CCDC171: variants seen among roughly 807,000 people sequenced by gnomAD.
CCDC171 encodes the protein coiled-coil domain-containing protein 171.
Under a neutral mutation model 168.2 loss-of-function variants are expected in CCDC171, and 177 were observed. That is an observed-to-expected ratio of 1.05 (90% CI 0.93 to 1.19). The LOEUF (loss-of-function observed/expected upper bound fraction) is 1.19. CCDC171 is among the 50% of genes most tolerant of loss of function. CCDC171 has a pLI of 0.00. For synonymous variants in CCDC171, 687 were observed against 540.8 expected, an observed-to-expected ratio of 1.27 and a Z score of -3.75; for missense variants, 1,991 against 1,539.0, an observed-to-expected ratio of 1.29 and a Z score of -4.91.
At chr9:15,574,264 C>T (rs960323383) in intron 3 of CCDC171, among the ~76,000 whole-genome samples, 2 of 152,106 alleles carry the variant, frequency 1.3e-5, no homozygotes, top group African/African-American at 4.8e-5. Flanking sequence ...CCTGCTTCAG[C>T]CTCCTGCGTA....
chr9:15,578,800 T>C (rs1480507941), intron 3 of CCDC171, 49 bp from the exon 4 acceptor site: 3 of 1,469,860 alleles, frequency 2.0e-6, no homozygotes, highest in Non-Finnish European at 2.8e-6. Context: ...TTTGAGTGTA[T>C]GATCTCATAA....
intron 25 of CCDC171, among the ~76,000 whole-genome samples, chr9:15,962,964 T>G (rs1310749978): frequency 6.6e-6 from 1 of 152,028 alleles, no homozygotes; most frequent in Non-Finnish European, 1.5e-5. Flanking sequence ...TTCACTTGGA[T>G]ATATTTCTCT....
At chr9:15,952,707 A>G (rs1414305572) in intron 25 of CCDC171, among the ~76,000 whole-genome samples, 1 of 152,026 alleles carries the variant, frequency 6.6e-6, no homozygotes, top group Non-Finnish European at 1.5e-5. Context: ...AGATTTTGCT[A>G]TTTCTGCAAA....
chr9:15,650,340 T>C (rs2047412296), intron 7 of CCDC171, among the ~76,000 whole-genome samples: 1 of 152,086 alleles, frequency 6.6e-6, no homozygotes, highest in Non-Finnish European at 1.5e-5. Flanking sequence ...ATGGCACGTG[T>C]ATACATATGT....
chr9:16,063,538 T>C (rs185849355), downstream of CCDC171, among the ~76,000 whole-genome samples: 1 of 152,358 alleles, frequency 6.6e-6, no homozygotes, highest in East Asian at 1.9e-4. Flanking sequence ...ATATTTCATT[T>C]GCATTGGTTT....
intron 9 of CCDC171, among the ~76,000 whole-genome samples, chr9:15,670,835 C>T (rs900634421): frequency 6.6e-6 from 1 of 152,172 alleles, no homozygotes; most frequent in Middle Eastern, 3.4e-3. Context: ...TACATAAGAG[C>T]TGCTAAATAA....
intron 6 of CCDC171, among the ~76,000 whole-genome samples, chr9:15,621,092 T>TA (rs2044467915): frequency 6.6e-6 from 1 of 152,054 alleles, no homozygotes; most frequent in African/African-American, 2.4e-5. Context: ...CAGCCTCCCA[T>TA]AGTAGCTGGG....
At chr9:15,714,039 A>T (rs991297130) in intron 11 of CCDC171, among the ~76,000 whole-genome samples, 3 of 152,158 alleles carry the variant, frequency 2.0e-5, no homozygotes, top group Non-Finnish European at 4.4e-5. Context: ...TTTCACAATG[A>T]AACTGCATAT....
At chr9:15,829,010 C>T (rs138844590) in intron 21 of CCDC171, among the ~76,000 whole-genome samples, 2 of 152,274 alleles carry the variant, frequency 1.3e-5, no homozygotes, top group East Asian at 1.9e-4. Context: ...AGATTTCACA[C>T]GGCAAAGAAT....
In CCDC171 at chr9:15,969,542, G is replaced by A. The variant is rs150106525; in HGVS notation, c.3754-2067G>A. Among the ~76,000 whole-genome samples the A allele has an allele frequency of 2.3e-3, 357 of 152,194 alleles. 3 individuals carry two copies. Among genetic ancestry groups the A allele is most frequent in the African/African-American group, 7.7e-3 (321 of 41,528 alleles). On this transcript the variant is annotated intron_variant, in intron 25 of 25. Transcript: ENST00000380701. The stretch of plus-strand genomic sequence containing the variant: ...CCCAGAGGATATCTGACCTTCCTTG[G>A]ACTGATTCTGCACACCCCTCTATTT...
chr9:15,722,249 T>G (rs1385646400), intron 12 of CCDC171, among the ~76,000 whole-genome samples: 1 of 152,196 alleles, frequency 6.6e-6, no homozygotes, highest in Non-Finnish European at 1.5e-5. Flanking sequence ...AATTTAGATT[T>G]TGTCAGTGTT....
chr9:15,649,453 G>T (rs188085187), intron 7 of CCDC171, among the ~76,000 whole-genome samples: 1 of 152,158 alleles, frequency 6.6e-6, no homozygotes, highest in East Asian at 1.9e-4. Flanking sequence ...CCATCAGAGC[G>T]AACAGGTAAC....
At chr9:15,700,204 C>T (rs2051600925) in intron 11 of CCDC171, among the ~76,000 whole-genome samples, 2 of 152,216 alleles carry the variant, frequency 1.3e-5, no homozygotes. Context: ...GCAGCTAAGG[C>T]CCGGTGAGAA....
At chr9:15,951,247 T>C (rs1829126065) in intron 25 of CCDC171, among the ~76,000 whole-genome samples, 2 of 146,210 alleles carry the variant, frequency 1.4e-5, no homozygotes, top group South Asian at 2.4e-4. Context: ...TACCCAGGAA[T>C]TGAACTCGGC....
intron 4 of CCDC171, among the ~76,000 whole-genome samples, chr9:15,590,027 G>C (rs915731584): frequency 6.6e-5 from 10 of 152,168 alleles, no homozygotes; most frequent in African/African-American, 2.4e-4. Flanking sequence ...ACCTACTGCA[G>C]GCATAGCATT....
intron 6 of CCDC171, among the ~76,000 whole-genome samples, chr9:15,595,066 A>G (rs114787482): frequency 0.014 from 2,151 of 152,318 alleles, 45 homozygotes; most frequent in African/African-American, 0.048. Context: ...CACATATAAT[A>G]CATTTTGGAG....
At chr9:15,747,256 T>G (rs759137389) in intron 18 of CCDC171, among the ~76,000 whole-genome samples, 4 of 152,220 alleles carry the variant, frequency 2.6e-5, no homozygotes, top group Admixed American at 6.5e-5. Flanking sequence ...ATTCAGGGAC[T>G]TATAGATAAA....
At chr9:15,605,946 G>A (rs193276204) in intron 6 of CCDC171, among the ~76,000 whole-genome samples, 4 of 152,066 alleles carry the variant, frequency 2.6e-5, no homozygotes, top group African/African-American at 7.2e-5. Flanking sequence ...TACCTGTGGG[G>A]CATATGTTAC....
At chr9:15,575,372 C>T (rs1286281969) in intron 3 of CCDC171, among the ~76,000 whole-genome samples, 1 of 151,902 alleles carries the variant, frequency 6.6e-6, no homozygotes, top group East Asian at 1.9e-4. Context: ...TGTGGTTTTG[C>T]CATGTTGTCC....
Sources: allele counts gnomAD v4.1 joint callset (sites outside exome capture counted in the v4.1 genomes callset), GRCh38; gene constraint gnomAD v4.1.1; transcripts MANE v1.5; gene names NCBI Gene and HGNC (gene_info 2026-07-23, HGNC 2026-07-21).